Variants in YES1 observed in about 807,000 individuals in gnomAD.
YES1 encodes the protein tyrosine-protein kinase Yes.
Under a neutral mutation model 70.4 loss-of-function variants are expected in YES1, and 39 were observed. That is an observed-to-expected ratio of 0.55 (90% CI 0.43 to 0.72). The LOEUF (loss-of-function observed/expected upper bound fraction) is 0.72, where lower values mean the gene tolerates loss of function less well. YES1 is among the 30% of genes least tolerant of loss of function. YES1 has a pLI of 0.00. For missense variants in YES1, 495 were observed against 644.8 expected, an observed-to-expected ratio of 0.77 and a Z score of 2.52; for synonymous variants, 198 against 218.6, an observed-to-expected ratio of 0.91 and a Z score of 0.83.
chr18:733,770 G>C (rs2080118245), intron 10 of YES1, among the ~76,000 whole-genome samples: 1 of 98,300 alleles, frequency 1.0e-5, no homozygotes, highest in Admixed American at 1.6e-4. Flanking sequence ...GCAACAGAGT[G>C]AGACTCCGTC....
intron 8 of YES1, among the ~76,000 whole-genome samples, chr18:742,209 C>T (rs1669255813): frequency 6.6e-6 from 1 of 152,124 alleles, no homozygotes; most frequent in South Asian, 2.1e-4. Context: ...ACCATCTGCA[C>T]AGGGAAAAAG....
At chr18:772,138 C>T (rs1452201522) in intron 1 of YES1, among the ~76,000 whole-genome samples, 1 of 151,644 alleles carries the variant, frequency 6.6e-6, no homozygotes, top group Non-Finnish European at 1.5e-5. Context: ...AAGTGATGCT[C>T]CTGCCTCAGC....
intron 1 of YES1, among the ~76,000 whole-genome samples, chr18:810,861 T>G (rs919583248): frequency 6.6e-6 from 1 of 152,142 alleles, no homozygotes; most frequent in African/African-American, 2.4e-5. Flanking sequence ...ACATCGTAAG[T>G]GATGCATACA....
At chr18:763,142 A>T (rs1904680841) in intron 1 of YES1, among the ~76,000 whole-genome samples, 1 of 152,182 alleles carries the variant, frequency 6.6e-6, no homozygotes, top group Admixed American at 6.5e-5. Flanking sequence ...TCTCTGTTCC[A>T]AGAGTGTGAG....
At chr18:735,749 G>T (rs1052103601) in intron 10 of YES1, 2 of 152,052 alleles carry the variant, frequency 1.3e-5, no homozygotes, top group African/African-American at 4.8e-5. Flanking sequence ...CTACATATTG[G>T]GTACAGTGCA....
At chr18:775,325 T>C (rs562838663) in intron 1 of YES1, 2 of 152,234 alleles carry the variant, frequency 1.3e-5, no homozygotes, top group African/African-American at 4.8e-5. Flanking sequence ...GAAAAATAAA[T>C]GTACAAGTGA....
chr18:774,159 T>G (rs1178862510), intron 1 of YES1, among the ~76,000 whole-genome samples: 1 of 152,166 alleles, frequency 6.6e-6, no homozygotes, highest in Non-Finnish European at 1.5e-5. Context: ...GACATTACCC[T>G]CTTGGTTTCC....
intron 1 of YES1, among the ~76,000 whole-genome samples, chr18:788,302 T>TA (rs1468910465): frequency 6.6e-6 from 1 of 152,196 alleles, no homozygotes; most frequent in Non-Finnish European, 1.5e-5. Flanking sequence ...GCGTGGGCTA[T>TA]AAAATGATCA....
At chr18:782,650 G>A (rs1905731037) in intron 1 of YES1, among the ~76,000 whole-genome samples, 1 of 152,174 alleles carries the variant, frequency 6.6e-6, no homozygotes, top group Admixed American at 6.5e-5. Context: ...GGAAATGTGT[G>A]ACATCAATAT....
chr18:746,073 T>C (rs1308816742), intron 4 of YES1, 22 bp from the exon 5 acceptor site: 1 of 1,584,108 alleles, frequency 6.3e-7, no homozygotes, highest in Non-Finnish European at 8.6e-7. Flanking sequence ...TTAAGTGTTT[T>C]GAATTGAAAA....
intron 1 of YES1, among the ~76,000 whole-genome samples, chr18:800,790 A>G (rs1056893123): frequency 1.3e-5 from 2 of 152,148 alleles, no homozygotes; most frequent in Admixed American, 6.5e-5. Context: ...GCTCATGCCT[A>G]TAATCTCAGC....
At chr18:806,338 A>C (rs1459683560) in intron 1 of YES1, among the ~76,000 whole-genome samples, 1 of 152,202 alleles carries the variant, frequency 6.6e-6, no homozygotes, top group Non-Finnish European at 1.5e-5. Flanking sequence ...TATCAAAATG[A>C]CCTTTAAATT....
intron 1 of YES1, chr18:798,073 T>C (rs1272389436): frequency 1.3e-5 from 2 of 152,182 alleles, no homozygotes; most frequent in African/African-American, 4.8e-5. Flanking sequence ...CAAAGTGCAA[T>C]GGATGAGCCT....
At chr18:803,983 A>G (rs1230759724) in intron 1 of YES1, among the ~76,000 whole-genome samples, 2 of 152,250 alleles carry the variant, frequency 1.3e-5, no homozygotes, top group African/African-American at 4.8e-5. Context: ...TCTAATTTTC[A>G]AAACATCAAC....
chr18:784,227 C>T (rs1905824839), intron 1 of YES1, among the ~76,000 whole-genome samples: 1 of 152,148 alleles, frequency 6.6e-6, no homozygotes, highest in Admixed American at 6.5e-5. Context: ...TCTATATGCT[C>T]ACCATATTAA....
chr18:730,251 C>T (rs542326582), intron 11 of YES1, among the ~76,000 whole-genome samples: 5 of 152,168 alleles, frequency 3.3e-5, no homozygotes, highest in South Asian at 2.1e-4. Context: ...CTCTGCTCGA[C>T]TCCCCAGCCT....
chr18:779,206 A>T (rs563248747), intron 1 of YES1, among the ~76,000 whole-genome samples: 109 of 152,100 alleles, frequency 7.2e-4, no homozygotes, highest in African/African-American at 2.4e-3. Context: ...GTTCAGGACC[A>T]GCCTGGGCAA....
At chr18:740,118 A>C (rs1329372678) in intron 8 of YES1, among the ~76,000 whole-genome samples, 1 of 152,222 alleles carries the variant, frequency 6.6e-6, no homozygotes, top group Admixed American at 6.5e-5. Flanking sequence ...TTAAATACTT[A>C]CATATTTTTA....
chr18:732,662 A>G (rs1210101690), intron 11 of YES1, among the ~76,000 whole-genome samples, 172 bp downstream of exon 11: 1 of 152,018 alleles, frequency 6.6e-6, no homozygotes, highest in Non-Finnish European at 1.5e-5. Context: ...TACCCGTCCA[A>G]TGCCACAGTT....
Sources: gnomAD v4.1 joint callset for allele counts (sites outside exome capture counted in the v4.1 genomes callset) on GRCh38, gnomAD v4.1.1 for gene constraint, MANE v1.5 for transcripts, NCBI Gene and HGNC (gene_info 2026-07-23, HGNC 2026-07-21) for gene names.